Variants in ITGAV observed in about 807,000 individuals in gnomAD.
ITGAV encodes integrin subunit alpha V.
Under a neutral mutation model 143.8 loss-of-function variants are expected in ITGAV, and 76 were observed. The ratio of observed to expected loss-of-function variants is 0.53; its 90% CI spans 0.44 to 0.64. The LOEUF (loss-of-function observed/expected upper bound fraction) is 0.64. ITGAV is among the 30% of genes least tolerant of loss of function. ITGAV has a pLI of 0.00. For synonymous variants in ITGAV, 453 were observed against 446.7 expected (o/e 1.01, Z -0.18); for missense variants, 1,193 against 1,274.7 (o/e 0.94, Z 0.98).
intron 12 of ITGAV, among the ~76,000 whole-genome samples, chr2:186,645,696 C>T (rs1044233530): frequency 3.9e-5 from 6 of 152,012 alleles, no homozygotes; most frequent in African/African-American, 7.3e-5. Flanking sequence ...AGGCCGGGCG[C>T]GTGGTTCACG....
In ITGAV at chr2:186,654,721, T is replaced by C. The variant is rs201126615; in HGVS notation, c.1564+13T>C. On this transcript the variant is annotated intron_variant, in intron 16 of 29. Coordinates refer to ENST00000261023, the MANE Select transcript of ITGAV (RefSeq NM_002210.5). ...CCCAGGAAACTTAGTAAGTGTTCTATGAAAAATCATATTATTTTAATGATA... is the reference window on the plus strand; with the variant it reads ...CCCAGGAAACTTAGTAAGTGTTCTACGAAAAATCATATTATTTTAATGATA... 38 of 1,311,662 alleles carry C rather than the reference T, an allele frequency of 2.9e-5. No homozygotes were observed. The highest frequency in any genetic ancestry group is 3.9e-5 in the Non-Finnish European group (36 of 913,238). 81.3% of individuals were successfully genotyped at this position (1,311,662 alleles called of 1,614,324 possible). A position where few individuals can be genotyped will look rare whatever the true frequency, so the allele number is the denominator to read the frequency against.
intron 1 of ITGAV, among the ~76,000 whole-genome samples, chr2:186,601,708 A>G: frequency 6.6e-6 from 1 of 152,102 alleles, no homozygotes. Flanking sequence ...CATTTTTAAG[A>G]GCTTTACTGA....
At position 186,642,735 on chromosome 2, in the gene ITGAV, A is replaced by C. The variant is rs561635385; in HGVS notation, c.1159+1147A>C. On this transcript the variant is annotated intron_variant, in intron 12 of 29. Coordinates refer to ENST00000261023, the MANE Select transcript of ITGAV (RefSeq NM_002210.5). ...AGTAGAGCTGAGGTCTTCCCATGTT[A>C]CCCAGGCTGGTCTCTAACTCCTGAG... 1.1e-3 allele frequency among the ~76,000 whole-genome samples: 162 copies of C among 150,636 alleles called. 1 individual carries two copies. The highest frequency in any genetic ancestry group is 3.8e-3 in the African/African-American group (157 of 41,046).
intron 1 of ITGAV, among the ~76,000 whole-genome samples, chr2:186,595,977 A>G (rs1309777593): frequency 6.6e-6 from 1 of 152,162 alleles, no homozygotes; most frequent in Non-Finnish European, 1.5e-5. Context: ...CTTTGAAAAC[A>G]CTGAGGAAAG....
intron 18 of ITGAV, among the ~76,000 whole-genome samples, chr2:186,660,230 A>G (rs1173743981): frequency 1.3e-5 from 2 of 152,206 alleles, no homozygotes; most frequent in East Asian, 1.9e-4. Context: ...TCCCCATCCA[A>G]TTTCTTTAAT....
chr2:186,666,780 A>C lies in ITGAV; in HGVS notation c.2243A>C (p.Gln748Pro). 1 of 1,540,270 alleles carries C rather than the reference A, an allele frequency of 6.5e-7. No homozygotes were observed. Among genetic ancestry groups the C allele is most frequent in the Non-Finnish European group, 8.8e-7 (1 of 1,132,586 alleles). Residue 748 changes from glutamine (Q) to proline (P), a missense_variant, in exon 22 of 30, where the codon CAA becomes CCA. Coordinates refer to ENST00000261023, the MANE Select transcript of ITGAV (RefSeq NM_002210.5). Reference protein sequence around the residue: ...DTSVKFDLQIQSSNLFDKVSP... With the variant: ...DTSVKFDLQIPSSNLFDKVSP... ...TCTGTGAAATTTGACTTACAAATCCAAAGGTATGAAAACAACTTATATTCA... is the reference window on the plus strand; with the variant it reads ...TCTGTGAAATTTGACTTACAAATCCCAAGGTATGAAAACAACTTATATTCA...
intron 2 of ITGAV, among the ~76,000 whole-genome samples, chr2:186,604,059 T>TG: frequency 6.6e-6 from 1 of 151,552 alleles, no homozygotes; most frequent in East Asian, 1.9e-4. Context: ...TTTAAAGAGA[T>TG]GGGGTTTTGC....
In ITGAV at chr2:186,665,138, C is replaced by CGAA. The variant is rs767207464; in HGVS notation, c.2086_2087insGAA (p.Leu696delinsArgIle). 1.3e-6 allele frequency: 2 copies of CGAA among 1,575,126 alleles called. No homozygotes were observed. Among genetic ancestry groups the CGAA allele is most frequent in the South Asian group, 2.2e-5 (2 of 89,886 alleles). Reference sequence around the variant, plus strand: ...TGGTCTATCAAAGGCCTTAGCAAGACTTTCCTGTGCATTTAAGACAGAAAA... The same window carrying CGAA: ...TGGTCTATCAAAGGCCTTAGCAAGACGAATTTCCTGTGCATTTAAGACAGAAAA... On this transcript the variant is annotated protein_altering_variant, in exon 21 of 30. Transcript: ENST00000261023.
In ITGAV at chr2:186,590,515, C is replaced by G; in HGVS notation, c.177C>G (p.Ser59Arg). The change falls in exon 1 of 30, where the codon AGC (serine) becomes AGG (arginine). Residue 59 changes from serine to arginine, a missense_variant. Ser to Arg is a moderately radical substitution (Grantham distance 110). Transcript: ENST00000261023. ...FGFAVDFFVPSASSRMFLLVG... is the reference protein window; with the variant it reads ...FGFAVDFFVPRASSRMFLLVG... Reference sequence around the variant, plus strand: ...TCGCCGTGGATTTCTTCGTGCCCAGCGCGTCTTCGTAAGTGGCCGCACTTG... The same window carrying G: ...TCGCCGTGGATTTCTTCGTGCCCAGGGCGTCTTCGTAAGTGGCCGCACTTG... The G allele has an allele frequency of 6.2e-7, 1 of 1,610,340 alleles. No individual in the cohort carries two copies. Among genetic ancestry groups the G allele is most frequent in the Non-Finnish European group, 8.5e-7 (1 of 1,178,760 alleles).
At chr2:186,642,220 A>G (rs1373422454) in intron 12 of ITGAV, among the ~76,000 whole-genome samples, 1 of 152,218 alleles carries the variant, frequency 6.6e-6, no homozygotes. Flanking sequence ...ATAGGTTACA[A>G]ATTACCAAGA....
rs141203958 is a variant in ITGAV, at chr2:186,591,022, A to T, written c.185+499A>T. 7.7e-4 allele frequency among the ~76,000 whole-genome samples: 116 copies of T among 151,342 alleles called. 3 individuals carry two copies. The highest frequency in any genetic ancestry group is 6.3e-3 in the Admixed American group (96 of 15,244). ...CCTCTGTCTGATTCTGTTTCTCCTT[A>T]CTCCTTTTGCAGACATTCTGATGAC... is the stretch of plus-strand genomic sequence containing the variant. On this transcript the variant is annotated intron_variant, in intron 1 of 29. Transcript: ENST00000261023.
chr2:186,608,126 A>G (rs1687119241), intron 2 of ITGAV, among the ~76,000 whole-genome samples: 1 of 152,162 alleles, frequency 6.6e-6, no homozygotes, highest in Non-Finnish European at 1.5e-5. Flanking sequence ...AGCTGGGTGG[A>G]CAGTTGTATA....
At chr2:186,633,106 C>T (rs1341658318) in intron 5 of ITGAV, among the ~76,000 whole-genome samples, 2 of 149,052 alleles carry the variant, frequency 1.3e-5, no homozygotes, top group African/African-American at 5.0e-5. Context: ...GTTTGACCAG[C>T]TTACCAGCCT....
intron 29 of ITGAV, 26 bp from the exon 30 acceptor site, chr2:186,677,170 TA>T (rs1277613737): frequency 1.9e-6 from 3 of 1,589,278 alleles, no homozygotes; most frequent in Admixed American, 1.7e-5. Flanking sequence ...GATGTGACAG[TA>T]ATAATGGTTT....
chr2:186,669,163 C>A (rs941488000), intron 25 of ITGAV, among the ~76,000 whole-genome samples: 7 of 152,098 alleles, frequency 4.6e-5, no homozygotes, highest in African/African-American at 1.7e-4. Flanking sequence ...TGAGATGTGT[C>A]CTTCAGTGAC....
chr2:186,651,998 A>G lies in ITGAV; in HGVS notation c.1414A>G (p.Thr472Ala), dbSNP rs1271018610. 6 of 1,610,174 alleles carry G rather than the reference A, an allele frequency of 3.7e-6. No individual in the cohort carries two copies. Among genetic ancestry groups the G allele is most frequent in the Non-Finnish European group, 5.1e-6 (6 of 1,176,950 alleles). The change falls in exon 15 of 30, where the codon ACT becomes GCT. Residue 472 changes from threonine (T) to alanine (A), a missense_variant. Thr to Ala is a moderately conservative substitution (Grantham distance 58, BLOSUM62 0). Coordinates refer to ENST00000261023, the MANE Select transcript of ITGAV (RefSeq NM_002210.5). The stretch of plus-strand genomic sequence containing the variant: ...CCCCGCTAGGGCCAGACCAGTTATC[A>G]CTGTAAATGCTGGTCTTGAAGTGTA... ...AILYRARPVITVNAGLEVYPS... is the reference protein window; with the variant it reads ...AILYRARPVIAVNAGLEVYPS...
intron 1 of ITGAV, among the ~76,000 whole-genome samples, chr2:186,601,224 A>T (rs1010505321): frequency 6.6e-6 from 1 of 152,100 alleles, no homozygotes; most frequent in African/African-American, 2.4e-5. Context: ...GTGATAAGAA[A>T]TTTTTTATTA....
In ITGAV at chr2:186,661,078, G is replaced by A. The variant is rs540824660; in HGVS notation, c.1857+1903G>A. Among the ~76,000 whole-genome samples, 11 of 152,268 alleles carry A rather than the reference G, an allele frequency of 7.2e-5. No individual in the cohort carries two copies. The South Asian group carries it at 2.3e-3, about 32-fold the overall frequency. On this transcript the variant is annotated intron_variant, in intron 18 of 29. Coordinates refer to ENST00000261023, the MANE Select transcript of ITGAV (RefSeq NM_002210.5). Reference sequence around the variant, plus strand: ...ATACATTTTGGGGGGACACAGTTCAGCCCTTAATGATATTTAAAATATTGT... The same window carrying A: ...ATACATTTTGGGGGGACACAGTTCAACCCTTAATGATATTTAAAATATTGT...
Position 186,641,007 on chromosome 2 carries a change from C to A in ITGAV, c.956+40C>A, listed in dbSNP as rs1479146119. 2.3e-5 allele frequency: 32 copies of A among 1,421,354 alleles called. No individual in the cohort carries two copies. In the Admixed American group the frequency reaches 5.9e-4, roughly 26 times the overall value. The allele number at this position is 1,421,354 out of a possible 1,614,324, so 88.0% of individuals were successfully genotyped here. On this transcript the variant is annotated intron_variant, in intron 11 of 29. Transcript: ENST00000261023. ...AAATGTTTCCAGAAAGTTATCTTCTCATGTTTACGAATACTTTACTCAAAC... is the reference window on the plus strand; with the variant it reads ...AAATGTTTCCAGAAAGTTATCTTCTAATGTTTACGAATACTTTACTCAAAC...
Sources: allele counts gnomAD v4.1 joint callset (sites outside exome capture counted in the v4.1 genomes callset), GRCh38; gene constraint gnomAD v4.1.1; transcripts MANE v1.5; gene names NCBI Gene and HGNC (gene_info 2026-07-23, HGNC 2026-07-21).